Variants in ADSL observed in about 807,000 individuals in gnomAD.
ADSL encodes the protein adenylosuccinate lyase, also known as adenylosuccinase.
Under a neutral mutation model 62.1 loss-of-function variants are expected in ADSL, and 44 were observed. That is an observed-to-expected ratio of 0.71 (90% CI 0.56 to 0.91). The LOEUF is 0.91. ADSL is among the 40% of genes least tolerant of loss of function. The pLI is 0.00. For synonymous variants in ADSL, 198 were observed against 220.5 expected (o/e 0.90, Z 0.90); for missense variants, 531 against 627.4 (o/e 0.85, Z 1.64).
At chr22:40,370,505 G>A (rs1189254536), downstream of ADSL, 4 of 152,378 alleles carry the variant, frequency 2.6e-5, no homozygotes, top group African/African-American at 9.6e-5. Context: ...TGGGATGGGG[G>A]CGCAAAGCCC....
intron 2 of ADSL, among the ~76,000 whole-genome samples, chr22:40,384,760 G>A (rs2048164005): frequency 6.6e-6 from 1 of 152,088 alleles, no homozygotes; most frequent in Admixed American, 6.5e-5. Flanking sequence ...CAGCCTGGGC[G>A]ACAGAGCAAG....
intron 2 of ADSL, 94 bp downstream of exon 2, chr22:40,350,129 A>T: frequency 8.4e-7 from 1 of 1,193,892 alleles, no homozygotes; most frequent in Non-Finnish European, 1.2e-6. Context: ...GTGACACTAT[A>T]GATCTTTTTT....
chr22:40,387,010 T>C (rs888815253), intron 2 of ADSL, among the ~76,000 whole-genome samples: 1 of 152,168 alleles, frequency 6.6e-6, no homozygotes, highest in Non-Finnish European at 1.5e-5. Flanking sequence ...AGTCAAGATA[T>C]TTTGTTCCCG....
chr22:40,380,586 C>G (rs183667395), intron 2 of ADSL, among the ~76,000 whole-genome samples: 86 of 152,172 alleles, frequency 5.7e-4, no homozygotes, highest in African/African-American at 2.0e-3. Flanking sequence ...AGGCTGGTCT[C>G]GAACTCCTGA....
chr22:40,350,855 A>G (rs1184036925), intron 2 of ADSL, among the ~76,000 whole-genome samples: 1 of 152,008 alleles, frequency 6.6e-6, no homozygotes, highest in Non-Finnish European at 1.5e-5. Context: ...TCCTAGCCTC[A>G]GGTTATCTGC....
chr22:40,376,846 A>G (rs1316273910), intron 2 of ADSL, among the ~76,000 whole-genome samples: 5 of 152,236 alleles, frequency 3.3e-5, no homozygotes, highest in African/African-American at 9.6e-5. Flanking sequence ...TAAAATCTAT[A>G]TAAAATGGCT....
chr22:40,361,814 G>A, intron 9 of ADSL, 179 bp downstream of exon 9: 1 of 806,878 alleles, frequency 1.2e-6, no homozygotes, highest in African/African-American at 1.7e-5. Flanking sequence ...ATTGGAGTGT[G>A]TACTGGGTAC....
chr22:40,360,495 G>C lies in ADSL; in HGVS notation c.792+3G>C. 1.2e-6 allele frequency: 2 copies of C among 1,613,116 alleles called. No homozygotes were observed. Among genetic ancestry groups the C allele is most frequent in the Non-Finnish European group, 1.7e-6 (2 of 1,179,080 alleles). On this transcript the variant is annotated splice_donor_region_variant and intron_variant, in intron 7 of 12. Coordinates refer to ENST00000623063, the MANE Select transcript of ADSL (RefSeq NM_000026.4). Reference sequence around the variant, plus strand: ...GCTTGGGGGCATCAGTGCACAAGGTGAGTGGTGGCAGCATGTGGGGTGGGG... The same window carrying C: ...GCTTGGGGGCATCAGTGCACAAGGTCAGTGGTGGCAGCATGTGGGGTGGGG...
At chr22:40,377,801 G>A (rs974895169) in intron 2 of ADSL, among the ~76,000 whole-genome samples, 7 of 150,622 alleles carry the variant, frequency 4.6e-5, no homozygotes, top group East Asian at 2.0e-4. Context: ...AGCTGTGATC[G>A]TGCCACTGTA....
intron 1 of ADSL, chr22:40,348,490 C>A: frequency 2.5e-6 from 1 of 398,620 alleles, no homozygotes; most frequent in South Asian, 1.3e-4. Flanking sequence ...CTCAAGCTGT[C>A]CTCTCACCTC....
intron 6 of ADSL, 65 bp downstream of exon 6, chr22:40,359,371 T>C: frequency 6.6e-7 from 1 of 1,525,424 alleles, no homozygotes; most frequent in Non-Finnish European, 9.1e-7. Context: ...TCAGTATACC[T>C]GCAGATTTGA....
intron 1 of ADSL, among the ~76,000 whole-genome samples, chr22:40,347,929 T>C (rs945166411): frequency 1.2e-4 from 19 of 152,234 alleles, no homozygotes; most frequent in Admixed American, 2.6e-4. Context: ...TCATCTGATA[T>C]TCTATTCTGT....
intron 5 of ADSL, 112 bp downstream of exon 5, chr22:40,359,147 G>T (rs114141894): frequency 1.9e-6 from 3 of 1,585,824 alleles, no homozygotes; most frequent in African/African-American, 1.3e-5. Context: ...GGGGTCTTTC[G>T]ACTAGAAGGA....
chr22:40,359,150 T>C, intron 5 of ADSL, 110 bp from the exon 6 acceptor site: 1 of 1,584,184 alleles, frequency 6.3e-7, no homozygotes, highest in Non-Finnish European at 8.7e-7. Context: ...GTCTTTCGAC[T>C]AGAAGGAAGT....
At chr22:40,346,916 TC>T (rs1299709204) in intron 1 of ADSL, among the ~76,000 whole-genome samples, 1 of 152,336 alleles carries the variant, frequency 6.6e-6, no homozygotes, top group Admixed American at 6.5e-5. Context: ...TCACGTGTTC[TC>T]AGTCCGAGAG....
Position 40,365,738 on chromosome 22 carries a change from G to A in ADSL, c.1368+682G>A, listed in dbSNP as rs534290350. Among the ~76,000 whole-genome samples, 5 of 152,062 alleles carry A rather than the reference G, an allele frequency of 3.3e-5. No individual in the cohort carries two copies. The South Asian group carries it at 1.0e-3, about 32-fold the overall frequency. On this transcript the variant is annotated intron_variant, in intron 12 of 12. Coordinates refer to ENST00000623063, the MANE Select transcript of ADSL (RefSeq NM_000026.4). ...ATACAAAAATTAGCCAGGTGTGGTGGTGTGCGCCTGTAGTCTCTGCTACTC... is the reference window on the plus strand; with the variant it reads ...ATACAAAAATTAGCCAGGTGTGGTGATGTGCGCCTGTAGTCTCTGCTACTC...
At chr22:40,387,166 T>C in intron 2 of ADSL, 1 of 398,566 alleles carries the variant, frequency 2.5e-6, no homozygotes, top group South Asian at 1.3e-4. Context: ...CCTGTGAGTG[T>C]GCTTAGCAGT....
At chr22:40,378,734 C>A (rs2047068002) in intron 2 of ADSL, among the ~76,000 whole-genome samples, 1 of 151,682 alleles carries the variant, frequency 6.6e-6, no homozygotes, top group South Asian at 2.1e-4. Context: ...CAAAAAAAAA[C>A]AGAACAAAAC....
chr22:40,348,468 C>A (rs1203676528), intron 1 of ADSL: 5 of 398,624 alleles, frequency 1.3e-5, no homozygotes, highest in Non-Finnish European at 2.2e-5. Flanking sequence ...GTTACAACCT[C>A]TGCATCCTGG....
Sources: allele counts gnomAD v4.1 joint callset (sites outside exome capture counted in the v4.1 genomes callset), GRCh38; gene constraint gnomAD v4.1.1; transcripts MANE v1.5; gene names NCBI Gene and HGNC (gene_info 2026-07-23, HGNC 2026-07-21).